Variants in NXPH1 observed in about 807,000 individuals in gnomAD.
NXPH1 encodes neurexophilin 1.
NXPH1 carries 5 observed loss-of-function variants against 23.7 expected under a neutral mutation model. The observed-to-expected ratio is 0.21, with a 90% CI of 0.11 to 0.44. The LOEUF (loss-of-function observed/expected upper bound fraction) is 0.44. Among genes scored for constraint, NXPH1 ranks in the 20% least tolerant of loss-of-function variants. The probability of loss-of-function intolerance (pLI) is 0.99; values close to 1 mark genes in which losing one functional copy is unlikely to be tolerated. For missense variants in NXPH1, 324 were observed against 321.6 expected (o/e 1.01, Z -0.06); for synonymous variants, 144 against 122.2 (o/e 1.18, Z -1.18).
chr7:8,457,335 AC>A (rs2128606348), intron 2 of NXPH1, among the ~76,000 whole-genome samples: 1 of 152,270 alleles, frequency 6.6e-6, no homozygotes, highest in African/African-American at 2.4e-5. Flanking sequence ...GGGGAAGAAA[AC>A]AACCCAGAGA....
intron 2 of NXPH1, among the ~76,000 whole-genome samples, chr7:8,670,451 A>C (rs367830242): frequency 4.3e-4 from 66 of 152,338 alleles, no homozygotes; most frequent in African/African-American, 1.6e-3. Flanking sequence ...GACTTTTTGT[A>C]ACTTACAGAT....
chr7:8,542,791 A>G (rs1330148072), intron 2 of NXPH1, among the ~76,000 whole-genome samples: 2 of 151,548 alleles, frequency 1.3e-5, no homozygotes, highest in Non-Finnish European at 3.0e-5. Flanking sequence ...AGATTATGCA[A>G]AAATTACCAA....
chr7:8,716,131 C>T (rs980550238), intron 2 of NXPH1, among the ~76,000 whole-genome samples: 1 of 152,160 alleles, frequency 6.6e-6, no homozygotes, highest in Admixed American at 6.5e-5. Flanking sequence ...CCCAGAACCA[C>T]AGGACTTAAA....
At chr7:8,681,452 A>G (rs117186660) in intron 2 of NXPH1, among the ~76,000 whole-genome samples, 1,526 of 152,288 alleles carry the variant, frequency 0.01, 14 homozygotes, top group South Asian at 0.041. Flanking sequence ...ATAAATTGTA[A>G]TATATAGTTC....
In NXPH1 at chr7:8,686,822, T is replaced by A. The variant is rs1051286940; in HGVS notation, c.55-64186T>A. On this transcript the variant is annotated intron_variant, in intron 2 of 2. Transcript: ENST00000405863. The stretch of plus-strand genomic sequence containing the variant: ...TAATATTATGATAAACTGGAACTGT[T>A]GTCATTGTTGTCATTTATGCCATCA... 2.0e-5 allele frequency among the ~76,000 whole-genome samples: 3 copies of A among 152,152 alleles called. No individual in the cohort carries two copies. In the South Asian group the frequency reaches 6.2e-4, roughly 31 times the overall value.
At chr7:8,582,976 C>T (rs1272689566) in intron 2 of NXPH1, among the ~76,000 whole-genome samples, 1 of 152,208 alleles carries the variant, frequency 6.6e-6, no homozygotes. Context: ...GGCCTTCCTC[C>T]CATGCCTGTT....
At chr7:8,479,032 G>T (rs969420405) in intron 2 of NXPH1, among the ~76,000 whole-genome samples, 1 of 152,058 alleles carries the variant, frequency 6.6e-6, no homozygotes, top group African/African-American at 2.4e-5. Flanking sequence ...TGGAGATATT[G>T]TCATAAGAAC....
At chr7:8,451,287 G>A (rs1207934119) in intron 2 of NXPH1, among the ~76,000 whole-genome samples, 1 of 152,000 alleles carries the variant, frequency 6.6e-6, no homozygotes, top group East Asian at 1.9e-4. Flanking sequence ...TTGCAATTTG[G>A]ATAATAAGAC....
chr7:8,725,852 AAAGTT>A (rs201661653), intron 2 of NXPH1, among the ~76,000 whole-genome samples: 26,506 of 151,960 alleles, frequency 0.17, 2,385 homozygotes, highest in Admixed American at 0.22. Context: ...CAGCACCTGG[AAAGTT>A]CTGAGCACTG....
At chr7:8,466,925 C>T (rs1229274767) in intron 2 of NXPH1, among the ~76,000 whole-genome samples, 2 of 152,026 alleles carry the variant, frequency 1.3e-5, no homozygotes, top group Admixed American at 1.3e-4. Flanking sequence ...CACTTGCTAA[C>T]TATGTGACCT....
chr7:8,747,653 T>C (rs1245147772), intron 2 of NXPH1, among the ~76,000 whole-genome samples: 1 of 152,218 alleles, frequency 6.6e-6, no homozygotes, highest in Non-Finnish European at 1.5e-5. Flanking sequence ...GAGAAGAGGA[T>C]ACACATGTAT....
chr7:8,451,968 C>T (rs1433475995), intron 2 of NXPH1, among the ~76,000 whole-genome samples: 4 of 152,268 alleles, frequency 2.6e-5, no homozygotes, highest in Middle Eastern at 3.4e-3. Context: ...AAACTCTTTT[C>T]CTTAAAAATC....
At chr7:8,443,093 A>T (rs1255595658) in intron 2 of NXPH1, among the ~76,000 whole-genome samples, 1 of 152,204 alleles carries the variant, frequency 6.6e-6, no homozygotes, top group Non-Finnish European at 1.5e-5. Context: ...CGGTTTCCGC[A>T]GATACCTCCT....
chr7:8,684,120 G>A (rs1274215673), intron 2 of NXPH1, among the ~76,000 whole-genome samples: 1 of 152,020 alleles, frequency 6.6e-6, no homozygotes, highest in Admixed American at 6.6e-5. Context: ...AAAATCCCTG[G>A]GAAACAAGCT....
chr7:8,550,923 T>C (rs1562399505), intron 2 of NXPH1, among the ~76,000 whole-genome samples: 1 of 151,562 alleles, frequency 6.6e-6, no homozygotes, highest in South Asian at 2.1e-4. Context: ...ATGTTTTCAA[T>C]TTTGAACAAC....
At chr7:8,539,192 C>T (rs1233018429) in intron 2 of NXPH1, among the ~76,000 whole-genome samples, 1 of 151,786 alleles carries the variant, frequency 6.6e-6, no homozygotes, top group Non-Finnish European at 1.5e-5. Flanking sequence ...TGAAGAAAAG[C>T]ACCACTATCA....
intron 2 of NXPH1, among the ~76,000 whole-genome samples, chr7:8,730,193 G>A (rs1362692620): frequency 6.7e-6 from 1 of 148,712 alleles, no homozygotes; most frequent in Non-Finnish European, 1.5e-5. Context: ...CATTTGCTTG[G>A]TAGATCTGCC....
At chr7:8,725,847 C>T (rs1352978925) in intron 2 of NXPH1, among the ~76,000 whole-genome samples, 2 of 146,068 alleles carry the variant, frequency 1.4e-5, no homozygotes, top group African/African-American at 2.5e-5. Context: ...CCACTCAGCA[C>T]CTGGAAAGTT....
rs1816317784 is a variant in NXPH1 at position 8,442,376 on chromosome 7, C to G, written c.54+6609C>G. ...CTCTGCGCGTCCCCGCTGAACCTGC[C>G]TCTGGCCGCGCCTCGCCATCACCCC... On this transcript the variant is annotated intron_variant, in intron 2 of 2. Coordinates refer to ENST00000405863, the MANE Select transcript of NXPH1 (RefSeq NM_152745.3). This position sits in a 1 kb window ranked among gnomAD's most constrained non-coding sequence, Gnocchi z 4.6. Among the ~76,000 whole-genome samples the G allele has an allele frequency of 6.6e-6, 1 of 152,186 alleles. No homozygotes were observed. Among genetic ancestry groups the G allele is most frequent in the South Asian group, 2.1e-4 (1 of 4,832 alleles).
Sources: allele counts gnomAD v4.1 joint callset (sites outside exome capture counted in the v4.1 genomes callset), GRCh38; gene constraint gnomAD v4.1.1; non-coding constraint Gnocchi (gnomAD v3.1); transcripts MANE v1.5; gene names NCBI Gene and HGNC (gene_info 2026-07-23, HGNC 2026-07-21).